Variants in PCDHA4 observed in about 807,000 individuals in gnomAD.
PCDHA4 encodes protocadherin alpha-4.
In PCDHA4, 49 loss-of-function variants were observed where a neutral mutation model predicts 61.4. That is an observed-to-expected ratio of 0.80 (90% confidence interval 0.63 to 1.01). PCDHA4 has a LOEUF of 1.01. Ranked by LOEUF, PCDHA4 falls within the 50% of genes least tolerant of loss-of-function variation. The pLI, the probability that PCDHA4 is intolerant of heterozygous loss-of-function variation, is 0.00. For synonymous variants in PCDHA4, 590 were observed against 550.3 expected (o/e 1.07, Z -1.01); for missense variants, 1,254 against 1,235.8 (o/e 1.01, Z -0.22).
chr5:140,882,501 A>G lies in PCDHA4; in HGVS notation c.2385+72929A>G, dbSNP rs782169319. On this transcript the variant is annotated intron_variant, in intron 1 of 3. Transcript: ENST00000530339. Reference sequence around the variant, plus strand: ...AGACACGGGGACCTTCTGGAGGTAAATCTGCAGAATGGCATTTTGTTTGTG... The same window carrying G: ...AGACACGGGGACCTTCTGGAGGTAAGTCTGCAGAATGGCATTTTGTTTGTG... 1 of 1,614,098 alleles carries G rather than the reference A, an allele frequency of 6.2e-7. No individual in the cohort carries two copies. Among genetic ancestry groups the G allele is most frequent in the Non-Finnish European group, 8.5e-7 (1 of 1,180,032 alleles).
intron 1 of PCDHA4, chr5:140,857,068 G>A (rs2044345750): frequency 1.3e-6 from 2 of 1,596,170 alleles, no homozygotes; most frequent in Admixed American, 3.4e-5. Context: ...TGGAACTACT[G>A]GATGAAAATG....
chr5:140,813,856 A>T (rs1765389446), intron 1 of PCDHA4: 1 of 152,236 alleles, frequency 6.6e-6, no homozygotes, highest in Non-Finnish European at 1.5e-5. Flanking sequence ...AAAATTAGCT[A>T]GGTGTGGTGA....
At chr5:140,838,701 C>T (rs1368590558) in intron 1 of PCDHA4, among the ~76,000 whole-genome samples, 2 of 151,802 alleles carry the variant, frequency 1.3e-5, no homozygotes, top group South Asian at 2.1e-4. Flanking sequence ...TTCGGGAGGC[C>T]GAGGCAGGAG....
chr5:140,861,121 A>G (rs556416106), intron 1 of PCDHA4: 3 of 153,482 alleles, frequency 2.0e-5, no homozygotes, highest in African/African-American at 7.2e-5. Flanking sequence ...ACAAACACCC[A>G]TTAAGACCAC....
At chr5:140,983,822 T>C (rs1453990514) in intron 3 of PCDHA4, among the ~76,000 whole-genome samples, 2 of 152,216 alleles carry the variant, frequency 1.3e-5, no homozygotes, top group Non-Finnish European at 2.9e-5. Flanking sequence ...TTCCCAAAAA[T>C]AATCAGATGC....
chr5:140,925,673 T>TAATAAA (rs2082657999), intron 1 of PCDHA4, among the ~76,000 whole-genome samples: 1 of 146,030 alleles, frequency 6.8e-6, no homozygotes, highest in Non-Finnish European at 1.5e-5. Context: ...ATAATAATAA[T>TAATAAA]AATAAAGCGA....
At chr5:140,822,661 T>G in intron 1 of PCDHA4, 1 of 1,609,178 alleles carries the variant, frequency 6.2e-7, no homozygotes. Flanking sequence ...TATAATTAAT[T>G]CTAATACTGG....
At chr5:140,821,857 G>C in intron 1 of PCDHA4, 1 of 1,614,186 alleles carries the variant, frequency 6.2e-7, no homozygotes. Flanking sequence ...GGCAGGGAGC[G>C]GCCAGCTCCA....
intron 3 of PCDHA4, among the ~76,000 whole-genome samples, chr5:140,996,311 G>T (rs191577867): frequency 2.6e-5 from 4 of 152,184 alleles, no homozygotes; most frequent in African/African-American, 7.2e-5. Context: ...ACAAAGTAAG[G>T]GGGGAGGGTA....
rs1554174004 is a variant in PCDHA4, at chr5:140,882,408, G to C, written c.2385+72836G>C. On this transcript the variant is annotated intron_variant, in intron 1 of 3. Coordinates refer to ENST00000530339, the MANE Select transcript of PCDHA4 (RefSeq NM_018907.4). Reference sequence around the variant, plus strand: ...GCAAAACACGGCACCTTCGTGGGCCGCATCGCTCAGGACCTGGGGCTGGAG... The same window carrying C: ...GCAAAACACGGCACCTTCGTGGGCCCCATCGCTCAGGACCTGGGGCTGGAG... The C allele has an allele frequency of 3.1e-6, 5 of 1,614,138 alleles. No homozygotes were observed. The highest frequency in any genetic ancestry group is 3.3e-5 in the Admixed American group (2 of 60,036).
chr5:140,809,386 T>A lies in PCDHA4; in HGVS notation c.2199T>A (p.Ala733=), dbSNP rs1554125180. 6.2e-7 allele frequency: 1 copy of A among 1,614,008 alleles called. No individual in the cohort carries two copies. Among genetic ancestry groups the A allele is most frequent in the African/African-American group, 1.3e-5 (1 of 75,056 alleles). ...CGCTGCCCACCGAGGGCGCGTGCGC[T>A]CCGGGCAAGCCCACGCTGGTGTGCT... The part of the protein sequence containing the change: ...CSALPTEGAC[A]PGKPTLVCSS... The change falls in exon 1 of 4, where the codon GCT becomes GCA. Residue 733 remains alanine (A), a synonymous_variant. Transcript: ENST00000530339.
At chr5:140,977,461 G>A (rs1554238575) in intron 1 of PCDHA4, among the ~76,000 whole-genome samples, 1 of 152,120 alleles carries the variant, frequency 6.6e-6, no homozygotes, top group African/African-American at 2.4e-5. Context: ...CTTTGATTTG[G>A]TCTGTAGATA....
intron 1 of PCDHA4, among the ~76,000 whole-genome samples, chr5:140,887,995 G>A (rs537858803): frequency 8.5e-5 from 13 of 152,066 alleles, no homozygotes; most frequent in South Asian, 6.2e-4. Context: ...TGTCTCCACC[G>A]AATAGTCATC....
chr5:140,847,746 C>A (rs145193370), intron 1 of PCDHA4: 2 of 149,840 alleles, frequency 1.3e-5, no homozygotes, highest in Non-Finnish European at 3.0e-5. Context: ...TTTCTCCCCA[C>A]GCAACACAAG....
chr5:140,990,055 C>T (rs1563562429), intron 3 of PCDHA4, among the ~76,000 whole-genome samples: 2 of 151,866 alleles, frequency 1.3e-5, no homozygotes, highest in Non-Finnish European at 1.5e-5. Context: ...GATGGTAATA[C>T]TTAAAGGAAA....
intron 1 of PCDHA4, among the ~76,000 whole-genome samples, chr5:140,838,877 T>C (rs1016544864): frequency 6.6e-6 from 1 of 151,982 alleles, no homozygotes; most frequent in Non-Finnish European, 1.5e-5. Context: ...ATCATGCCAC[T>C]GAACTCCAGC....
At chr5:140,984,730 T>C (rs956611464) in intron 3 of PCDHA4, among the ~76,000 whole-genome samples, 4 of 152,186 alleles carry the variant, frequency 2.6e-5, no homozygotes, top group Non-Finnish European at 4.4e-5. Context: ...ATTAAGATTA[T>C]GATTTAGAGT....
intron 1 of PCDHA4, among the ~76,000 whole-genome samples, chr5:140,844,102 T>C (rs1273394917): frequency 6.7e-6 from 1 of 149,766 alleles, no homozygotes; most frequent in Non-Finnish European, 1.5e-5. Context: ...TCTTACTCCA[T>C]ATGCTGTACT....
chr5:140,948,558 G>A (rs2094272533), intron 1 of PCDHA4, among the ~76,000 whole-genome samples: 2 of 151,514 alleles, frequency 1.3e-5, no homozygotes, highest in Admixed American at 1.3e-4. Flanking sequence ...ATTTTGTTAA[G>A]TTGTATTTTT....
Sources: allele counts gnomAD v4.1 joint callset (sites outside exome capture counted in the v4.1 genomes callset), GRCh38; gene constraint gnomAD v4.1.1; transcripts MANE v1.5; gene names NCBI Gene and HGNC (gene_info 2026-07-23, HGNC 2026-07-21).